PLCB1: variants seen among roughly 807,000 people sequenced by gnomAD.
PLCB1 encodes phospholipase C beta 1.
PLCB1 carries 46 observed loss-of-function variants against 161.8 expected under a neutral mutation model. That is an observed-to-expected ratio of 0.28 (90% confidence interval 0.22 to 0.36). PLCB1 has a LOEUF of 0.36. Among genes scored for constraint, PLCB1 ranks in the 10% least tolerant of loss-of-function variants. The probability of loss-of-function intolerance (pLI) is 1.00; values close to 1 mark genes in which losing one functional copy is unlikely to be tolerated. For missense variants in PLCB1, 1,016 were observed against 1,472.5 expected, an observed-to-expected ratio of 0.69 and a Z score of 5.07; for synonymous variants, 517 against 503.7, an observed-to-expected ratio of 1.03 and a Z score of -0.35.
intron 3 of PLCB1, among the ~76,000 whole-genome samples, chr20:8,561,888 A>G (rs994774745): frequency 6.6e-5 from 10 of 152,062 alleles, no homozygotes; most frequent in African/African-American, 2.4e-4. Context: ...ATAAGAACTA[A>G]TAAGCCTATT....
rs184673842 is a variant in PLCB1 at position 8,514,265 on chromosome 20, C to T, written c.247-114029C>T. 7.3e-5 allele frequency among the ~76,000 whole-genome samples: 11 copies of T among 151,430 alleles called. No individual in the cohort carries two copies. In the East Asian group the frequency reaches 2.2e-3, roughly 30 times the overall value. On this transcript the variant is annotated intron_variant, in intron 3 of 31. Transcript: ENST00000338037. ...GACCAACCTGGGCAACACGGCGAAA[C>T]CCTGTCTCTACTAAAAATAGAAAAA...
chr20:8,877,041 A>C (rs1987805927), intron 31 of PLCB1, among the ~76,000 whole-genome samples: 1 of 131,954 alleles, frequency 7.6e-6, no homozygotes, highest in Non-Finnish European at 1.6e-5. Context: ...TATGATTACA[A>C]GGAGGGGTGA....
chr20:8,547,908 C>G (rs545712791), intron 3 of PLCB1, among the ~76,000 whole-genome samples: 1 of 152,302 alleles, frequency 6.6e-6, no homozygotes, highest in African/African-American at 2.4e-5. Flanking sequence ...TAAGTCTCCT[C>G]TTCTCTGGGA....
intron 2 of PLCB1, among the ~76,000 whole-genome samples, chr20:8,209,107 A>G (rs1322692063): frequency 2.0e-5 from 3 of 152,144 alleles, no homozygotes. Flanking sequence ...TATGGATTGT[A>G]CAGATGGTCT....
chr20:8,635,854 G>C (rs909096264), intron 4 of PLCB1, among the ~76,000 whole-genome samples: 3 of 152,152 alleles, frequency 2.0e-5, no homozygotes, highest in Non-Finnish European at 2.9e-5. Context: ...AATTTTCTTA[G>C]AGTTGCCCTA....
At chr20:8,644,031 G>C (rs923584092) in intron 4 of PLCB1, among the ~76,000 whole-genome samples, 1 of 152,142 alleles carries the variant, frequency 6.6e-6, no homozygotes, top group African/African-American at 2.4e-5. Flanking sequence ...TCCTAGCCGC[G>C]AGTGATCTGC....
intron 2 of PLCB1, among the ~76,000 whole-genome samples, chr20:8,238,117 A>C: frequency 6.6e-6 from 1 of 152,190 alleles, no homozygotes; most frequent in South Asian, 2.1e-4. Flanking sequence ...GAGGTGAATA[A>C]ATTGAACGAG....
intron 3 of PLCB1, among the ~76,000 whole-genome samples, chr20:8,541,605 A>AAAGAAAGAAAGGAAGG (rs796318352): frequency 1.0e-4 from 15 of 149,990 alleles, no homozygotes; most frequent in African/African-American, 3.7e-4. Context: ...AGAAAGAAAG[A>AAAGAAAGAAAGGAAGG]AAGGAAGGAA....
chr20:8,541,843 AG>A (rs1985345628), intron 3 of PLCB1, among the ~76,000 whole-genome samples: 1 of 152,202 alleles, frequency 6.6e-6, no homozygotes, highest in African/African-American at 2.4e-5. Context: ...CTGAGATCCA[AG>A]TTTTCTTTCA....
At chr20:8,777,287 C>A (rs1384308069) in intron 27 of PLCB1, among the ~76,000 whole-genome samples, 1 of 152,074 alleles carries the variant, frequency 6.6e-6, no homozygotes, top group Non-Finnish European at 1.5e-5. Context: ...GCTGTGCTTC[C>A]CAGTACGTTA....
At position 8,765,330 on chromosome 20, in the gene PLCB1, A is replaced by G; in HGVS notation, c.2902A>G (p.Lys968Glu). The change falls in exon 26 of 32, where the codon AAG (lysine) becomes GAG (glutamate). Residue 968 changes from lysine to glutamate, a missense_variant. Lys to Glu is a moderately conservative substitution (Grantham distance 56). Coordinates refer to ENST00000338037, the MANE Select transcript of PLCB1 (RefSeq NM_015192.4). Reference protein sequence around the residue: ...DYLRRRAALEKSAKKDSKKKS... With the variant: ...DYLRRRAALEESAKKDSKKKS... Reference sequence around the variant, plus strand: ...CTTGAGAAGGAGAGCCGCTTTGGAAAAGTCCGCCAAAAAGGACAGTAAGAA... The same window carrying G: ...CTTGAGAAGGAGAGCCGCTTTGGAAGAGTCCGCCAAAAAGGACAGTAAGAA... 1 of 1,612,080 alleles carries G rather than the reference A, an allele frequency of 6.2e-7. No individual in the cohort carries two copies. The highest frequency in any genetic ancestry group is 8.5e-7 in the Non-Finnish European group (1 of 1,179,598).
intron 3 of PLCB1, among the ~76,000 whole-genome samples, chr20:8,584,425 A>G (rs547055409): frequency 2.0e-5 from 3 of 151,880 alleles, no homozygotes; most frequent in African/African-American, 7.3e-5. Context: ...ACAGTGAGTA[A>G]ATTTTAAGTG....
chr20:8,644,080 G>A (rs1291410147), intron 4 of PLCB1, among the ~76,000 whole-genome samples: 1 of 152,228 alleles, frequency 6.6e-6, no homozygotes, highest in African/African-American at 2.4e-5. Flanking sequence ...TGCAGACGGA[G>A]TCTGGTTCAC....
At chr20:8,588,964 CA>C (rs1456821919) in intron 3 of PLCB1, among the ~76,000 whole-genome samples, 2 of 152,158 alleles carry the variant, frequency 1.3e-5, no homozygotes, top group African/African-American at 2.4e-5. Flanking sequence ...AATCTACAAA[CA>C]CATATCGGAC....
chr20:8,704,419 C>T (rs1196677355), intron 11 of PLCB1, among the ~76,000 whole-genome samples: 1 of 151,830 alleles, frequency 6.6e-6, no homozygotes, highest in Non-Finnish European at 1.5e-5. Flanking sequence ...TGTGTATTTG[C>T]AGGACTTTTG....
intron 9 of PLCB1, among the ~76,000 whole-genome samples, chr20:8,668,503 G>A (rs1600238391): frequency 6.6e-6 from 1 of 152,260 alleles, no homozygotes; most frequent in South Asian, 2.1e-4. Context: ...GTGGCTATAT[G>A]TCTTTGTTGA....
intron 9 of PLCB1, among the ~76,000 whole-genome samples, chr20:8,684,306 G>T (rs1163441327): frequency 1.3e-5 from 2 of 151,338 alleles, no homozygotes; most frequent in Non-Finnish European, 2.9e-5. Context: ...GCCCAGGCTG[G>T]AGTGCAGTGG....
chr20:8,455,968 G>T (rs1033615986), intron 3 of PLCB1, among the ~76,000 whole-genome samples: 1 of 152,088 alleles, frequency 6.6e-6, no homozygotes, highest in African/African-American at 2.4e-5. Context: ...CAAAGCTTTC[G>T]CATCATAATC....
intron 3 of PLCB1, among the ~76,000 whole-genome samples, chr20:8,384,635 T>G (rs1987367601): frequency 6.6e-6 from 1 of 152,136 alleles, no homozygotes; most frequent in Admixed American, 6.5e-5. Context: ...GTTTTTTTGT[T>G]GATTCTTTCT....
Sources: gnomAD v4.1 joint callset for allele counts (sites outside exome capture counted in the v4.1 genomes callset) on GRCh38, gnomAD v4.1.1 for gene constraint, MANE v1.5 for transcripts, NCBI Gene and HGNC (gene_info 2026-07-23, HGNC 2026-07-21) for gene names.